The following FTO variants were observed in gnomAD, a reference collection of about 807,000 sequenced individuals.
FTO encodes alpha-ketoglutarate-dependent dioxygenase FTO.
Under a neutral mutation model 63.9 loss-of-function variants are expected in FTO, and 47 were observed. That is an observed-to-expected ratio of 0.74 (90% CI 0.58 to 0.94). FTO has a LOEUF of 0.94. FTO is among the 40% of genes least tolerant of loss of function. The probability of loss-of-function intolerance (pLI) is 0.00; values close to 1 mark genes in which losing one functional copy is unlikely to be tolerated. For synonymous variants in FTO, 207 were observed against 224.4 expected, an observed-to-expected ratio of 0.92 and a Z score of 0.69; for missense variants, 562 against 618.1, an observed-to-expected ratio of 0.91 and a Z score of 0.96.
chr16:53,751,068 G>T (rs2076777378), intron 1 of FTO, among the ~76,000 whole-genome samples: 1 of 151,988 alleles, frequency 6.6e-6, no homozygotes, highest in African/African-American at 2.4e-5. Context: ...CAATCTTTTG[G>T]CTTCCCTGGG....
chr16:53,856,090 G>GA (rs113335203), intron 4 of FTO, among the ~76,000 whole-genome samples: 55,168 of 151,164 alleles, frequency 0.36, 12,730 homozygotes, highest in East Asian at 0.75. Context: ...ATGAGCTATA[G>GA]AAAATTTTTT....
rs550678546 is a variant in FTO at position 53,774,765 on chromosome 16, G to A, written c.46-35375G>A. Among the ~76,000 whole-genome samples the A allele has an allele frequency of 2.7e-4, 41 of 152,172 alleles. No individual in the cohort carries two copies. The South Asian group carries it at 7.9e-3, about 29-fold the overall frequency. ...TACAGATTGGCTTGCCAGGGTAGCC[G>A]CTCATCTGTCACACTCGGGAAGGGC... On this transcript the variant is annotated intron_variant, in intron 1 of 8. Transcript: ENST00000471389.
intron 8 of FTO, among the ~76,000 whole-genome samples, chr16:54,077,063 A>ATT (rs1314100878): frequency 3.9e-5 from 6 of 152,222 alleles, no homozygotes; most frequent in Non-Finnish European, 5.9e-5. Flanking sequence ...CATAATCATC[A>ATT]TTATATATAA....
intron 8 of FTO, among the ~76,000 whole-genome samples, chr16:53,973,293 C>T (rs1272551183): frequency 6.6e-6 from 1 of 152,234 alleles, no homozygotes; most frequent in Non-Finnish European, 1.5e-5. Flanking sequence ...GGAGCCGTCC[C>T]ATGTCCCACC....
chr16:53,885,056 C>G (rs1259554228), intron 6 of FTO, among the ~76,000 whole-genome samples: 1 of 152,206 alleles, frequency 6.6e-6, no homozygotes, highest in African/African-American at 2.4e-5. Flanking sequence ...GTCATGGTTA[C>G]CACTTCATCA....
intron 7 of FTO, among the ~76,000 whole-genome samples, chr16:53,916,483 C>T (rs1331133397): frequency 1.3e-5 from 2 of 152,108 alleles, no homozygotes; most frequent in African/African-American, 4.8e-5. Flanking sequence ...TTCCTATAAA[C>T]GTAAGACACA....
In FTO at chr16:53,838,228, T is replaced by A. The variant is rs572864116; in HGVS notation, c.752-5927T>A. ...CTTGTGAGTTTCTCCTGCCTCAAGA[T>A]CTGTGACATGGATAGCAAGGGACCA... On this transcript the variant is annotated intron_variant, in intron 3 of 8. Coordinates refer to ENST00000471389, the MANE Select transcript of FTO (RefSeq NM_001080432.3). Among the ~76,000 whole-genome samples, 39 of 152,306 alleles carry A rather than the reference T, an allele frequency of 2.6e-4. 2 individuals are homozygous for A. The highest frequency in any genetic ancestry group is 1.8e-3 in the Admixed American group (28 of 15,302).
At position 53,959,151 on chromosome 16, in the gene FTO, G is replaced by T. The variant is rs142199132; in HGVS notation, c.1364+25042G>T. On this transcript the variant is annotated intron_variant, in intron 8 of 8. Coordinates refer to ENST00000471389, the MANE Select transcript of FTO (RefSeq NM_001080432.3). ...ATCTCTAATTTTAAGAAAAGGGTAC[G>T]TGGAGCCAAAAGATGTCAAGTAACC... 4.6e-5 allele frequency among the ~76,000 whole-genome samples: 7 copies of T among 152,290 alleles called. No individual in the cohort carries two copies. The East Asian group carries it at 1.3e-3, about 29-fold the overall frequency.
intron 7 of FTO, among the ~76,000 whole-genome samples, chr16:53,889,243 A>G (rs1417822584): frequency 1.3e-5 from 2 of 152,236 alleles, no homozygotes. Flanking sequence ...TTGCATTTTT[A>G]TATGCATCAG....
At chr16:54,038,448 C>T (rs2084995407) in intron 8 of FTO, among the ~76,000 whole-genome samples, 1 of 152,302 alleles carries the variant, frequency 6.6e-6, no homozygotes, top group African/African-American at 2.4e-5. Flanking sequence ...TCCCAGGAGC[C>T]TCACTGTCTA....
At chr16:54,036,508 A>G (rs2144247525) in intron 8 of FTO, among the ~76,000 whole-genome samples, 1 of 152,346 alleles carries the variant, frequency 6.6e-6, no homozygotes, top group South Asian at 2.1e-4. Flanking sequence ...CTTTTTGCTT[A>G]AAATTCCAAA....
chr16:54,072,576 G>T (rs1312588962), intron 8 of FTO: 4 of 152,362 alleles, frequency 2.6e-5, no homozygotes, highest in African/African-American at 9.7e-5. Context: ...TGAGCTGGGG[G>T]AGGGGAAGGA....
chr16:53,744,038 C>T (rs1384575847), intron 1 of FTO, among the ~76,000 whole-genome samples: 1 of 152,146 alleles, frequency 6.6e-6, no homozygotes, highest in Non-Finnish European at 1.5e-5. Flanking sequence ...TTTCTCCAGT[C>T]GTCTTGTAGA....
In FTO at chr16:54,115,067, G is replaced by A. The variant is rs2086965371; in HGVS notation, c.*3152G>A. 6.6e-6 allele frequency: 1 copy of A among 152,240 alleles called. No homozygotes were observed. The highest frequency in any genetic ancestry group is 2.1e-4 in the South Asian group (1 of 4,832). The allele number at this position is 152,240 out of a possible 1,614,324, so 9.4% of individuals were successfully genotyped here. On this transcript the variant is annotated 3_prime_UTR_variant, in exon 9 of 9. Coordinates refer to ENST00000471389, the MANE Select transcript of FTO (RefSeq NM_001080432.3). The stretch of plus-strand genomic sequence containing the variant: ...GGTCAAAGGAAGGCTTGCTTCTGCT[G>A]TGAATTGGAGAAGGACTTTCCTGGA...
At chr16:53,829,477 C>T (rs979497336) in intron 3 of FTO, among the ~76,000 whole-genome samples, 5 of 152,178 alleles carry the variant, frequency 3.3e-5, no homozygotes, top group African/African-American at 9.7e-5. Flanking sequence ...CTATGGTGGG[C>T]GCATGTCTTC....
chr16:53,781,036 G>T (rs1342220952), intron 1 of FTO, among the ~76,000 whole-genome samples: 1 of 152,114 alleles, frequency 6.6e-6, no homozygotes, highest in Non-Finnish European at 1.5e-5. Flanking sequence ...AGCTTTATGA[G>T]GGAAAGAATC....
intron 4 of FTO, among the ~76,000 whole-genome samples, chr16:53,846,771 C>T (rs573504920): frequency 1.9e-4 from 28 of 146,252 alleles, no homozygotes; most frequent in South Asian, 4.3e-4. Flanking sequence ...CACTGCACTC[C>T]GGCTTGAGCA....
intron 1 of FTO, among the ~76,000 whole-genome samples, chr16:53,741,052 C>T (rs1316483624): frequency 2.0e-5 from 3 of 152,118 alleles, no homozygotes; most frequent in Non-Finnish European, 4.4e-5. Flanking sequence ...ATTAAAGTAA[C>T]AGTAACATTT....
At chr16:54,011,641 G>A (rs1387963078) in intron 8 of FTO, among the ~76,000 whole-genome samples, 5 of 152,076 alleles carry the variant, frequency 3.3e-5, no homozygotes, top group Admixed American at 6.5e-5. Flanking sequence ...TGCTCACTTC[G>A]TGTCTCTGTC....
Sources: gnomAD v4.1 joint callset for allele counts (sites outside exome capture counted in the v4.1 genomes callset) on GRCh38, gnomAD v4.1.1 for gene constraint, MANE v1.5 for transcripts, NCBI Gene and HGNC (gene_info 2026-07-23, HGNC 2026-07-21) for gene names.